Variants in CECR2 observed in about 807,000 individuals in gnomAD.
The protein encoded by CECR2 is CECR2 histone acetyl-lysine reader.
Under a neutral mutation model 154.5 loss-of-function variants are expected in CECR2, and 30 were observed. The observed-to-expected ratio is 0.19, with a 90% CI of 0.15 to 0.26. CECR2 has a LOEUF of 0.26. CECR2 is among the 10% of genes least tolerant of loss of function. The probability of loss-of-function intolerance (pLI) is 1.00; values close to 1 mark genes in which losing one functional copy is unlikely to be tolerated. For synonymous variants in CECR2, 725 were observed against 683.7 expected (o/e 1.06, Z -0.94); for missense variants, 1,743 against 1,829.3 (o/e 0.95, Z 0.86).
At chr22:17,531,331 C>T (rs898059262) in intron 9 of CECR2, among the ~76,000 whole-genome samples, 5 of 152,224 alleles carry the variant, frequency 3.3e-5, no homozygotes, top group African/African-American at 9.6e-5. Context: ...AGTGCGGCTT[C>T]GCAGATGCAG....
At chr22:17,504,822 G>A in intron 6 of CECR2, 25 bp from the exon 7 acceptor site, 3 of 1,604,674 alleles carry the variant, frequency 1.9e-6, no homozygotes, top group Non-Finnish European at 2.6e-6. Context: ...ATCTCCTGTA[G>A]TGAATCCGTT....
rs869050391 is a variant in CECR2 at position 17,482,115 on chromosome 22, C to CAAAAAAAAAAA, written c.221+4449_221+4459dup. Among the ~76,000 whole-genome samples, 49 of 76,310 alleles carry CAAAAAAAAAAA rather than the reference C, an allele frequency of 6.4e-4. 1 individual carries two copies. The East Asian group carries it at 9.1e-3, about 14-fold the overall frequency. 50.1% of individuals were successfully genotyped at this position (76,310 alleles called of 152,430 possible). On this transcript the variant is annotated intron_variant, in intron 2 of 18. Transcript: ENST00000262608. The stretch of plus-strand genomic sequence containing the variant: ...GGGTGACAGATCGAGACTCTGTCTC[C>CAAAAAAAAAAA]AAAAAAAAAAAAAAAAAAAAAAAAA...
chr22:17,382,108 T>C lies in CECR2; in HGVS notation c.126+12199T>C, dbSNP rs577200520. Among the ~76,000 whole-genome samples, 8 of 151,886 alleles carry C rather than the reference T, an allele frequency of 5.3e-5. 1 individual carries two copies. In the East Asian group the frequency reaches 7.8e-4, roughly 15 times the overall value. On this transcript the variant is annotated intron_variant, in intron 1 of 18. Coordinates refer to ENST00000262608, the MANE Select transcript of CECR2 (RefSeq NM_001290047.2). The stretch of plus-strand genomic sequence containing the variant: ...GGTTTCGCCGTGTTAGCCAGGATGG[T>C]CTTGATCTCCTGACCTTGTGATCCG...
chr22:17,488,927 T>A (rs1825338340), intron 2 of CECR2, among the ~76,000 whole-genome samples: 1 of 152,178 alleles, frequency 6.6e-6, no homozygotes, highest in Non-Finnish European at 1.5e-5. Context: ...GTCCAGTTGC[T>A]TCATATCTTT....
chr22:17,371,542 G>A (rs543585535), intron 1 of CECR2, among the ~76,000 whole-genome samples: 2 of 152,332 alleles, frequency 1.3e-5, no homozygotes, highest in East Asian at 1.9e-4. Context: ...AAAGGTCAAA[G>A]GATGTTTCTC....
intron 8 of CECR2, among the ~76,000 whole-genome samples, chr22:17,521,239 C>A (rs541268452): frequency 6.6e-6 from 1 of 152,256 alleles, no homozygotes; most frequent in South Asian, 2.1e-4. Context: ...TAAATGTCTT[C>A]TTTTGAGAAG....
At chr22:17,425,649 G>GC (rs1188414185) in intron 1 of CECR2, among the ~76,000 whole-genome samples, 7 of 152,160 alleles carry the variant, frequency 4.6e-5, no homozygotes, top group Non-Finnish European at 1.0e-4. Flanking sequence ...ATTAGCTTGG[G>GC]CAGAGTTGAT....
chr22:17,444,188 A>G (rs1056073541), intron 1 of CECR2, among the ~76,000 whole-genome samples: 2 of 152,076 alleles, frequency 1.3e-5, no homozygotes, highest in African/African-American at 4.8e-5. Context: ...GTTTCTTTTC[A>G]CAGTATACTT....
intron 2 of CECR2, among the ~76,000 whole-genome samples, chr22:17,480,871 C>G: frequency 6.6e-6 from 1 of 151,558 alleles, no homozygotes; most frequent in South Asian, 2.1e-4. Context: ...GAAACCCGGT[C>G]TCTACTAAAA....
intron 1 of CECR2, among the ~76,000 whole-genome samples, chr22:17,445,078 C>G (rs2054638852): frequency 6.6e-6 from 1 of 152,114 alleles, no homozygotes; most frequent in Admixed American, 6.6e-5. Context: ...CTTTTGAATA[C>G]TATAGTACAT....
At chr22:17,462,271 G>A (rs2054952280) in intron 1 of CECR2, among the ~76,000 whole-genome samples, 1 of 151,946 alleles carries the variant, frequency 6.6e-6, no homozygotes, top group Admixed American at 6.5e-5. Context: ...GGGCATGGTG[G>A]CGGGCGCCTG....
At position 17,542,933 on chromosome 22, in the gene CECR2, C is replaced by A. The variant is rs753241028; in HGVS notation, c.2790C>A (p.Pro930=). Residue 930 remains proline (P), a synonymous_variant, in exon 16 of 19, where the codon CCC becomes CCA. Transcript: ENST00000262608. ...AHPMSVTVSA[P]KPALGNPGRA... ...CAATGTCAGTCACTGTGTCAGCCCC[C>A]AAGCCTGCCCTGGGCAACCCTGGGA... The A allele has an allele frequency of 6.2e-7, 1 of 1,613,968 alleles. No homozygotes were observed. Among genetic ancestry groups the A allele is most frequent in the South Asian group, 1.1e-5 (1 of 91,076 alleles).
At position 17,394,197 on chromosome 22, in the gene CECR2, C is replaced by CTTTTTTTTTTTTTTTTTT. The variant is rs71200271; in HGVS notation, c.126+24297_126+24314dup. Reference sequence around the variant, plus strand: ...CCACCGCGCCCAGCTGCTGCCGCTGCTTTTTTTTTTTTTTTTTTTTTTTTT... The same window carrying CTTTTTTTTTTTTTTTTTT: ...CCACCGCGCCCAGCTGCTGCCGCTGCTTTTTTTTTTTTTTTTTTTTTTTTTTTTTTTTTTTTTTTTTTT... On this transcript the variant is annotated intron_variant, in intron 1 of 18. Coordinates refer to ENST00000262608, the MANE Select transcript of CECR2 (RefSeq NM_001290047.2). Among the ~76,000 whole-genome samples the CTTTTTTTTTTTTTTTTTT allele has an allele frequency of 7.2e-5, 7 of 97,088 alleles. 3 individuals are homozygous for CTTTTTTTTTTTTTTTTTT. The highest frequency in any genetic ancestry group is 8.4e-5 in the African/African-American group (2 of 23,876). The allele number at this position is 97,088 out of a possible 152,430, so 63.7% of individuals were successfully genotyped here.
intron 1 of CECR2, among the ~76,000 whole-genome samples, chr22:17,371,651 C>T (rs2063062514): frequency 6.6e-6 from 1 of 152,058 alleles, no homozygotes; most frequent in Non-Finnish European, 1.5e-5. Context: ...TGGGAGGTGC[C>T]GCCTGTGACA....
rs188376495 is a variant in CECR2 at position 17,469,870 on chromosome 22, C to T, written c.127-7718C>T. Among the ~76,000 whole-genome samples, 163 of 152,282 alleles carry T rather than the reference C, an allele frequency of 1.1e-3. 1 individual carries two copies. Among genetic ancestry groups the T allele is most frequent in the African/African-American group, 3.7e-3 (153 of 41,560 alleles). Reference sequence around the variant, plus strand: ...TGTCCTCATAGCAGCATGCCTCTGCCGTGGCGTCCATCACATTGCATGGAA... The same window carrying T: ...TGTCCTCATAGCAGCATGCCTCTGCTGTGGCGTCCATCACATTGCATGGAA... On this transcript the variant is annotated intron_variant, in intron 1 of 18. Transcript: ENST00000262608.
chr22:17,361,087 C>T (rs1321537791), intron 1 of CECR2, among the ~76,000 whole-genome samples: 1 of 152,156 alleles, frequency 6.6e-6, no homozygotes, highest in African/African-American at 2.4e-5. Context: ...CACTTGAGCC[C>T]ACGAGGTGGA....
At chr22:17,431,789 C>T (rs1018727711) in intron 1 of CECR2, among the ~76,000 whole-genome samples, 2 of 105,694 alleles carry the variant, frequency 1.9e-5, no homozygotes, top group Non-Finnish European at 3.8e-5. Context: ...TTGGGAGGGG[C>T]GCGGCTTATT....
chr22:17,535,277 C>T (rs1271272235), intron 9 of CECR2, among the ~76,000 whole-genome samples: 1 of 151,792 alleles, frequency 6.6e-6, no homozygotes, highest in Non-Finnish European at 1.5e-5. Flanking sequence ...GAGATCGCAC[C>T]ACTACACTTT....
intron 1 of CECR2, among the ~76,000 whole-genome samples, chr22:17,381,979 C>T (rs151241055): frequency 0.037 from 5,697 of 152,004 alleles, 135 homozygotes; most frequent in Middle Eastern, 0.051. Flanking sequence ...GCTCCGCCTC[C>T]TGGGTTCACC....
Sources: allele counts gnomAD v4.1 joint callset (sites outside exome capture counted in the v4.1 genomes callset), GRCh38; gene constraint gnomAD v4.1.1; transcripts MANE v1.5; gene names NCBI Gene and HGNC (gene_info 2026-07-23, HGNC 2026-07-21).